Variants in LRRC4C observed in about 807,000 individuals in gnomAD.
LRRC4C encodes leucine-rich repeat-containing protein 4C.
A neutral mutation model predicts 33.6 loss-of-function variants in LRRC4C; 5 were observed. That is an observed-to-expected ratio of 0.15 (90% CI 0.08 to 0.31). The LOEUF (loss-of-function observed/expected upper bound fraction) is 0.31, where lower values mean the gene tolerates loss of function less well. LRRC4C is among the 10% of genes least tolerant of loss of function. The pLI is 1.00. For synonymous variants in LRRC4C, 329 were observed against 302.0 expected (o/e 1.09, Z -0.93); for missense variants, 560 against 796.7 (o/e 0.70, Z 3.58).
chr11:40,810,291 C>G lies in LRRC4C; in HGVS notation c.-407+123344G>C, dbSNP rs903988962. On this transcript the variant is annotated intron_variant, in intron 2 of 6. Transcript: ENST00000528697. ...AGTCTTTTCTTGACTTCTGTGTCACCATGGTTCTCTCAGCTATTTCACCAG... is the reference window on the plus strand; with the variant it reads ...AGTCTTTTCTTGACTTCTGTGTCACGATGGTTCTCTCAGCTATTTCACCAG... Among the ~76,000 whole-genome samples, 8 of 152,154 alleles carry G rather than the reference C, an allele frequency of 5.3e-5. No individual in the cohort carries two copies. In the East Asian group the frequency reaches 1.5e-3, roughly 29 times the overall value.
intron 2 of LRRC4C, among the ~76,000 whole-genome samples, chr11:40,881,757 T>C (rs1297204429): frequency 1.3e-5 from 2 of 152,200 alleles, no homozygotes; most frequent in East Asian, 3.9e-4. Flanking sequence ...CTGTGAAATT[T>C]TGTCAAGATT....
chr11:41,075,880 A>G (rs1477011792), intron 1 of LRRC4C, among the ~76,000 whole-genome samples: 2 of 152,202 alleles, frequency 1.3e-5, no homozygotes, highest in Non-Finnish European at 2.9e-5. Context: ...TAAACCTTTT[A>G]GTAACCTCTG....
At chr11:40,845,325 G>A (rs1489520310) in intron 2 of LRRC4C, among the ~76,000 whole-genome samples, 1 of 151,852 alleles carries the variant, frequency 6.6e-6, no homozygotes, top group Admixed American at 6.6e-5. Context: ...ATGTCGACAG[G>A]CCCCAGTGTG....
chr11:41,163,304 A>AT (rs1565440667), intron 1 of LRRC4C, among the ~76,000 whole-genome samples: 2 of 105,306 alleles, frequency 1.9e-5, no homozygotes, highest in East Asian at 2.9e-4. Flanking sequence ...TTTTTTTTCA[A>AT]ACAGGGTCTT....
At chr11:40,841,694 T>G (rs1423605267) in intron 2 of LRRC4C, among the ~76,000 whole-genome samples, 1 of 152,214 alleles carries the variant, frequency 6.6e-6, no homozygotes, top group Non-Finnish European at 1.5e-5. Context: ...CTGTGATATT[T>G]TCTTTTGACA....
At chr11:40,525,180 C>T (rs1002011490) in intron 3 of LRRC4C, among the ~76,000 whole-genome samples, 1 of 152,150 alleles carries the variant, frequency 6.6e-6, no homozygotes, top group Non-Finnish European at 1.5e-5. Flanking sequence ...GGCGCCGTGG[C>T]TCACACCTGT....
chr11:41,121,756 A>G (rs1290548865), intron 1 of LRRC4C, among the ~76,000 whole-genome samples: 1 of 152,194 alleles, frequency 6.6e-6, no homozygotes, highest in African/African-American at 2.4e-5. Flanking sequence ...ATAAAATAAA[A>G]GGGATGACCC....
chr11:40,699,519 T>C (rs1278702427), intron 2 of LRRC4C, among the ~76,000 whole-genome samples: 2 of 152,210 alleles, frequency 1.3e-5, no homozygotes, highest in Non-Finnish European at 2.9e-5. Context: ...CATCCCATTT[T>C]GGTGCATTTT....
At chr11:40,827,542 T>A (rs563574432) in intron 2 of LRRC4C, among the ~76,000 whole-genome samples, 1 of 151,924 alleles carries the variant, frequency 6.6e-6, no homozygotes, top group Non-Finnish European at 1.5e-5. Flanking sequence ...AACTGAAACC[T>A]AATAATATTA....
chr11:41,271,781 TG>T (rs2136843122), intron 1 of LRRC4C, among the ~76,000 whole-genome samples: 1 of 152,182 alleles, frequency 6.6e-6, no homozygotes, highest in Non-Finnish European at 1.5e-5. Flanking sequence ...CATAGTAGGT[TG>T]AAAAAAAAGT....
intron 2 of LRRC4C, among the ~76,000 whole-genome samples, chr11:40,828,517 A>G (rs1952266261): frequency 6.6e-6 from 1 of 151,922 alleles, no homozygotes; most frequent in Non-Finnish European, 1.5e-5. Context: ...TCTTTGACTT[A>G]CATGGTTCGC....
At chr11:40,804,103 A>T (rs1347545946) in intron 2 of LRRC4C, among the ~76,000 whole-genome samples, 2 of 152,084 alleles carry the variant, frequency 1.3e-5, no homozygotes, top group Non-Finnish European at 2.9e-5. Context: ...CTTTTGAGGG[A>T]AGGATCTTTT....
chr11:40,525,512 G>A (rs187376862), intron 3 of LRRC4C, among the ~76,000 whole-genome samples: 1 of 151,932 alleles, frequency 6.6e-6, no homozygotes, highest in Non-Finnish European at 1.5e-5. Flanking sequence ...TAAAAATATA[G>A]CAAGAAAAAC....
At chr11:41,174,652 C>G (rs1448836832) in intron 1 of LRRC4C, among the ~76,000 whole-genome samples, 1 of 152,040 alleles carries the variant, frequency 6.6e-6, no homozygotes, top group Non-Finnish European at 1.5e-5. Flanking sequence ...GGGACATGCT[C>G]AACTGCATTT....
intron 1 of LRRC4C, among the ~76,000 whole-genome samples, chr11:41,266,955 G>A (rs116925779): frequency 0.01 from 1,572 of 152,204 alleles, 17 homozygotes; most frequent in Non-Finnish European, 0.014. Flanking sequence ...CTGCACAACC[G>A]TGTTAAGTGC....
At chr11:40,424,345 G>A (rs1263748452) in intron 3 of LRRC4C, among the ~76,000 whole-genome samples, 1 of 152,022 alleles carries the variant, frequency 6.6e-6, no homozygotes, top group Non-Finnish European at 1.5e-5. Flanking sequence ...CTATATTGAA[G>A]AGCCTTAAAA....
chr11:40,989,799 G>C (rs894704915), intron 1 of LRRC4C, among the ~76,000 whole-genome samples: 1 of 151,822 alleles, frequency 6.6e-6, no homozygotes, highest in Non-Finnish European at 1.5e-5. Flanking sequence ...TGTTTTAAAG[G>C]TACAGTCAGC....
At chr11:41,385,146 GTTAAA>G (rs1953308042) in intron 1 of LRRC4C, among the ~76,000 whole-genome samples, 1 of 151,066 alleles carries the variant, frequency 6.6e-6, no homozygotes, top group Non-Finnish European at 1.5e-5. Flanking sequence ...AAGAGAAATA[GTTAAA>G]TTAGTGTCAA....
intron 2 of LRRC4C, among the ~76,000 whole-genome samples, chr11:40,766,785 C>CA (rs1191708137): frequency 1.5e-5 from 2 of 136,616 alleles, no homozygotes; most frequent in Non-Finnish European, 3.2e-5. Context: ...AAGAGATACA[C>CA]AAAAAATAAA....
Sources: allele counts gnomAD v4.1 joint callset (sites outside exome capture counted in the v4.1 genomes callset), GRCh38; gene constraint gnomAD v4.1.1; transcripts MANE v1.5; gene names NCBI Gene and HGNC (gene_info 2026-07-23, HGNC 2026-07-21).